Variants in CD247 observed in about 807,000 individuals in gnomAD.
The protein encoded by CD247 is CD247 molecule, also known as T-cell surface glycoprotein CD3 zeta chain.
A neutral mutation model predicts 30.0 loss-of-function variants in CD247; 13 were observed. The observed-to-expected ratio is 0.43, with a 90% CI of 0.28 to 0.69. The LOEUF (loss-of-function observed/expected upper bound fraction) is 0.69. CD247 is among the 30% of genes least tolerant of loss of function. The probability of loss-of-function intolerance (pLI) is 0.16; values close to 1 mark genes in which losing one functional copy is unlikely to be tolerated. For synonymous variants in CD247, 72 were observed against 80.0 expected (o/e 0.90, Z 0.53); for missense variants, 193 against 212.6 (o/e 0.91, Z 0.57).
intron 5 of CD247, chr1:167,434,878 A>C (rs1466809686): frequency 4.3e-6 from 2 of 465,476 alleles, no homozygotes; most frequent in Admixed American, 2.3e-5. Flanking sequence ...CAAAGACCAC[A>C]GAGTGAGGAG....
In CD247 at chr1:167,509,392, A is replaced by T. The variant is rs1016740412; in HGVS notation, c.58+9016T>A. Among the ~76,000 whole-genome samples, 548 of 150,392 alleles carry T rather than the reference A, an allele frequency of 3.6e-3. 1 individual carries two copies. The highest frequency in any genetic ancestry group is 0.013 in the African/African-American group (528 of 40,830). On this transcript the variant is annotated intron_variant, in intron 1 of 7. Transcript: ENST00000362089. ...CTCAAAAAAAAAAAAAAAAAAAAAG[A>T]AAAGAAAAGAAATCATTATCCATCT...
chr1:167,440,704 A>T lies in CD247; in HGVS notation c.122T>A (p.Ile41Asn). The change falls in exon 2 of 8, where the codon ATC (isoleucine) becomes AAC (asparagine). Residue 41 changes from isoleucine (I) to asparagine (N), a missense_variant. Physicochemically the swap from Ile to Asn is moderately radical, Grantham distance 149 (BLOSUM62 -3). Coordinates refer to ENST00000362089, the MANE Select transcript of CD247 (RefSeq NM_198053.3). ...LCYLLDGILF[I>N]YGVILTALFL... ...CAAGGCAGTGAGAATGACACCATAG[A>T]TGAAGAGGATTCCATCCAGCAGGTA... 1 of 1,613,894 alleles carries T rather than the reference A, an allele frequency of 6.2e-7. No individual in the cohort carries two copies. The highest frequency in any genetic ancestry group is 8.5e-7 in the Non-Finnish European group (1 of 1,179,876).
At chr1:167,433,808 T>A (rs1651395701) in intron 6 of CD247, among the ~76,000 whole-genome samples, 1 of 152,182 alleles carries the variant, frequency 6.6e-6, no homozygotes, top group African/African-American at 2.4e-5. Context: ...AGAATCTAGA[T>A]GTGGTTTTCT....
chr1:167,458,671 T>G (rs1652831289), intron 1 of CD247: 1 of 112,690 alleles, frequency 8.9e-6, no homozygotes, highest in Admixed American at 1.1e-4. Flanking sequence ...ATCTGTTTTT[T>G]TCTTTCTTTC....
chr1:167,475,721 C>G (rs987361752), intron 1 of CD247, among the ~76,000 whole-genome samples: 1 of 152,104 alleles, frequency 6.6e-6, no homozygotes, highest in African/African-American at 2.4e-5. Context: ...TAAATGACAC[C>G]ACAGGGATGC....
rs758742299 is a variant in CD247, at chr1:167,440,659, C to G, written c.162+5G>C. The G allele has an allele frequency of 6.2e-7, 1 of 1,600,356 alleles. No homozygotes were observed. The highest frequency in any genetic ancestry group is 1.1e-5 in the South Asian group (1 of 90,716). ...GCCCTCCTCCCAAAGCCCAGTGGTACCCACCTTCACTCTCAGGAACAAGGC... is the reference window on the plus strand; with the variant it reads ...GCCCTCCTCCCAAAGCCCAGTGGTAGCCACCTTCACTCTCAGGAACAAGGC... On this transcript the variant is annotated splice_donor_5th_base_variant and intron_variant, in intron 2 of 7. Transcript: ENST00000362089.
At chr1:167,490,165 G>T (rs973310309) in intron 1 of CD247, among the ~76,000 whole-genome samples, 1 of 152,186 alleles carries the variant, frequency 6.6e-6, no homozygotes, top group Non-Finnish European at 1.5e-5. Context: ...CGGAAAGATC[G>T]GGTGCATTTG....
At chr1:167,434,968 AGCCCTCCTCCAGCCC>A (rs1651468008) in intron 5 of CD247, 1 of 230,714 alleles carries the variant, frequency 4.3e-6, no homozygotes, top group African/African-American at 9.9e-5. Context: ...CTTCCTCCGG[AGCCCTCCTCCAGCCC>A]TTCCTCCAGC....
chr1:167,433,637 G>A (rs1252924356), intron 6 of CD247, among the ~76,000 whole-genome samples: 1 of 151,770 alleles, frequency 6.6e-6, no homozygotes, highest in African/African-American at 2.4e-5. Context: ...AATTGTTGAT[G>A]AACAATTAAT....
chr1:167,517,244 C>T (rs1389415285), intron 1 of CD247, among the ~76,000 whole-genome samples: 2 of 152,196 alleles, frequency 1.3e-5, no homozygotes, highest in African/African-American at 4.8e-5. Flanking sequence ...GGCGCTGGCC[C>T]GGGCTGTGCC....
chr1:167,483,899 C>T (rs1161314645), intron 1 of CD247, among the ~76,000 whole-genome samples: 1 of 152,250 alleles, frequency 6.6e-6, no homozygotes, highest in Non-Finnish European at 1.5e-5. Context: ...TAGCCACTTC[C>T]GGAGGAACAG....
chr1:167,515,109 G>T (rs973153456), intron 1 of CD247, among the ~76,000 whole-genome samples: 7 of 152,292 alleles, frequency 4.6e-5, no homozygotes, highest in Admixed American at 1.3e-4. Flanking sequence ...AAATGAAATA[G>T]CTCATTTGGA....
intron 1 of CD247, among the ~76,000 whole-genome samples, chr1:167,480,908 AC>A (rs146960424): frequency 0.013 from 1,997 of 152,344 alleles, 43 homozygotes; most frequent in African/African-American, 0.046. Flanking sequence ...TACATGTGAA[AC>A]AACAAGGCTG....
intron 4 of CD247, 62 bp from the exon 5 acceptor site, chr1:167,435,496 C>T (rs1651504614): frequency 2.2e-6 from 3 of 1,337,394 alleles, no homozygotes; most frequent in Non-Finnish European, 2.2e-6. Context: ...CATGAAAGTA[C>T]AGCAAACCCC....
intron 1 of CD247, among the ~76,000 whole-genome samples, chr1:167,452,987 A>G (rs1652429585): frequency 1.4e-5 from 2 of 146,042 alleles, no homozygotes; most frequent in Non-Finnish European, 3.0e-5. Context: ...AGAGAGCAAT[A>G]TGTGTGTGTA....
intron 1 of CD247, among the ~76,000 whole-genome samples, chr1:167,447,971 G>T (rs1192938525): frequency 2.0e-5 from 3 of 149,530 alleles, no homozygotes; most frequent in Non-Finnish European, 3.0e-5. Context: ...TATGGGTGGG[G>T]GGGTGGGGGC....
chr1:167,480,318 G>A (rs1438442367), intron 1 of CD247, among the ~76,000 whole-genome samples: 2 of 152,132 alleles, frequency 1.3e-5, no homozygotes, highest in Non-Finnish European at 2.9e-5. Flanking sequence ...AAAGAATAGG[G>A]TTAATTTAGT....
intron 1 of CD247, among the ~76,000 whole-genome samples, chr1:167,497,071 T>G (rs2102090534): frequency 6.6e-6 from 1 of 152,292 alleles, no homozygotes; most frequent in South Asian, 2.1e-4. Context: ...CGTCCAAACA[T>G]GAAGCCATCT....
At chr1:167,490,332 AT>A (rs1445765738) in intron 1 of CD247, among the ~76,000 whole-genome samples, 1 of 152,110 alleles carries the variant, frequency 6.6e-6, no homozygotes, top group Non-Finnish European at 1.5e-5. Context: ...TCCTTTAGAA[AT>A]TATATTTGAG....
Sources: allele counts gnomAD v4.1 joint callset (sites outside exome capture counted in the v4.1 genomes callset), GRCh38; gene constraint gnomAD v4.1.1; transcripts MANE v1.5; gene names NCBI Gene and HGNC (gene_info 2026-07-23, HGNC 2026-07-21).